TENM4: variants seen among roughly 807,000 people sequenced by gnomAD.
TENM4 encodes teneurin transmembrane protein 4.
Under a neutral mutation model 243.3 loss-of-function variants are expected in TENM4, and 82 were observed. That is an observed-to-expected ratio of 0.34 (90% CI 0.28 to 0.40). The LOEUF is 0.40. Ranked by LOEUF, TENM4 falls within the 10% of genes least tolerant of loss-of-function variation. TENM4 has a pLI of 1.00. For missense variants in TENM4, 3,138 were observed against 3,673.3 expected, an observed-to-expected ratio of 0.85 and a Z score of 3.77; for synonymous variants, 1,412 against 1,456.3, an observed-to-expected ratio of 0.97 and a Z score of 0.69.
At chr11:79,011,644 G>A (rs752200982) in intron 6 of TENM4, among the ~76,000 whole-genome samples, 4 of 152,172 alleles carry the variant, frequency 2.6e-5, no homozygotes, top group African/African-American at 9.7e-5. Context: ...CTGCACCCCC[G>A]CTGGCTTGGC....
chr11:79,259,672 TCC>T (rs1316710399), intron 2 of TENM4, among the ~76,000 whole-genome samples: 1 of 150,568 alleles, frequency 6.6e-6, no homozygotes, highest in Non-Finnish European at 1.5e-5. Flanking sequence ...CATCCATCCA[TCC>T]ATCCATCCAT....
At chr11:79,044,706 ATGT>A (rs1859617814) in intron 6 of TENM4, among the ~76,000 whole-genome samples, 1 of 152,178 alleles carries the variant, frequency 6.6e-6, no homozygotes, top group Non-Finnish European at 1.5e-5. Context: ...TAGGTTTCCC[ATGT>A]ATAAAGTAGG....
rs572219921 is a variant in TENM4 at position 79,149,361 on chromosome 11, C to G, written c.-162-555G>C. ...ACCCATTCATTAATTTTCAGCTCTTCTTTTTTAATATAAGCATTTAAGGTG... is the reference window on the plus strand; with the variant it reads ...ACCCATTCATTAATTTTCAGCTCTTGTTTTTTAATATAAGCATTTAAGGTG... On this transcript the variant is annotated intron_variant, in intron 3 of 33. Transcript: ENST00000278550. 1.6e-4 allele frequency among the ~76,000 whole-genome samples: 25 copies of G among 152,212 alleles called. 1 individual carries two copies. In the South Asian group the frequency reaches 5.2e-3, roughly 32 times the overall value.
chr11:78,988,320 T>G (rs1229428228), intron 6 of TENM4, among the ~76,000 whole-genome samples: 2 of 152,208 alleles, frequency 1.3e-5, no homozygotes, highest in African/African-American at 4.8e-5. Context: ...CCTGGTCAGG[T>G]CTTCAGATGG....
chr11:78,877,464 C>G (rs73500610), intron 9 of TENM4, among the ~76,000 whole-genome samples: 2,574 of 152,328 alleles, frequency 0.017, 88 homozygotes, highest in African/African-American at 0.059. Context: ...TATGTTATTT[C>G]ACAGTAATTA....
At chr11:79,376,938 T>C (rs973106694) in intron 1 of TENM4, among the ~76,000 whole-genome samples, 2 of 152,242 alleles carry the variant, frequency 1.3e-5, no homozygotes, top group Admixed American at 1.3e-4. Context: ...GGACATGTTA[T>C]CCTATTTGGT....
chr11:79,138,310 TTTATATATATATATATATA>T (rs1850672806), intron 4 of TENM4, among the ~76,000 whole-genome samples: 1 of 106,120 alleles, frequency 9.4e-6, no homozygotes, highest in Non-Finnish European at 1.8e-5. Flanking sequence ...TAAACTCCCC[TTTATATATATATATATATA>T]TTATATATAT....
chr11:79,037,791 T>C (rs1859424638), intron 6 of TENM4, among the ~76,000 whole-genome samples: 1 of 152,224 alleles, frequency 6.6e-6, no homozygotes, highest in Non-Finnish European at 1.5e-5. Context: ...TAGCTAAGAA[T>C]GTAACGGTCA....
intron 1 of TENM4, among the ~76,000 whole-genome samples, chr11:79,337,317 G>C (rs1857163567): frequency 6.6e-6 from 1 of 152,316 alleles, no homozygotes; most frequent in East Asian, 1.9e-4. Flanking sequence ...TTTCTTGTAA[G>C]AGAAACTGTT....
intron 18 of TENM4, among the ~76,000 whole-genome samples, chr11:78,766,728 A>G (rs1856546908): frequency 6.9e-6 from 1 of 144,318 alleles, no homozygotes; most frequent in South Asian, 2.2e-4. Context: ...TTTTTGACAG[A>G]GTCCTCCTCT....
intron 6 of TENM4, among the ~76,000 whole-genome samples, chr11:78,957,320 A>G (rs1857226801): frequency 6.6e-6 from 1 of 152,176 alleles, no homozygotes; most frequent in Non-Finnish European, 1.5e-5. Flanking sequence ...AACAACAACA[A>G]CAACAAAATC....
rs1416933792 is a variant in TENM4 at position 78,658,470 on chromosome 11, C to G, written c.7898G>C (p.Gly2633Ala). 6.2e-7 allele frequency: 1 copy of G among 1,614,052 alleles called. No homozygotes were observed. Among genetic ancestry groups the G allele is most frequent in the Non-Finnish European group, 8.5e-7 (1 of 1,179,906 alleles). The change falls in exon 34 of 34, where the codon GGC (glycine) becomes GCC (alanine). Residue 2633 changes from glycine (G) to alanine (A), a missense_variant. Physicochemically the swap from Gly to Ala is moderately conservative, Grantham distance 60 (BLOSUM62 0). Transcript: ENST00000278550. The stretch of plus-strand genomic sequence containing the variant: ...CAGGGTTCGCCGCCCCCCACTGAGG[C>G]CCAGGATGGCCAGGTCACCTTCTGA... ...GPSEGDLAIL[G>A]LSGGRRTLEN...
At chr11:79,373,812 C>T (rs943610020) in intron 1 of TENM4, among the ~76,000 whole-genome samples, 21 of 152,022 alleles carry the variant, frequency 1.4e-4, no homozygotes, top group Admixed American at 3.3e-4. Context: ...GCCTGACTCA[C>T]CATAGAGTCA....
intron 1 of TENM4, among the ~76,000 whole-genome samples, chr11:79,367,033 G>A (rs1477191228): frequency 6.6e-6 from 1 of 152,142 alleles, no homozygotes; most frequent in African/African-American, 2.4e-5. Flanking sequence ...GCAAAAATGT[G>A]CTACAAAAGA....
intron 6 of TENM4, among the ~76,000 whole-genome samples, chr11:78,942,941 T>A (rs950225399): frequency 6.6e-6 from 1 of 152,084 alleles, no homozygotes; most frequent in African/African-American, 2.4e-5. Context: ...TCCACGGTAC[T>A]GTGTCTTTCC....
chr11:78,938,404 A>T (rs893261893), intron 6 of TENM4, among the ~76,000 whole-genome samples: 1 of 152,128 alleles, frequency 6.6e-6, no homozygotes, highest in African/African-American at 2.4e-5. Flanking sequence ...TACCACTCAG[A>T]GCATCTATCT....
intron 1 of TENM4, among the ~76,000 whole-genome samples, chr11:79,387,722 A>T (rs965750242): frequency 2.0e-5 from 3 of 152,194 alleles, no homozygotes; most frequent in Non-Finnish European, 4.4e-5. Flanking sequence ...ATAAACAAAC[A>T]GGCTGGGTGT....
intron 6 of TENM4, among the ~76,000 whole-genome samples, chr11:79,020,236 C>A (rs1030601386): frequency 6.6e-6 from 1 of 152,158 alleles, no homozygotes. Context: ...CTGGGACCAG[C>A]CTTAGCCATC....
chr11:79,178,789 A>T (rs1380616235), intron 3 of TENM4, among the ~76,000 whole-genome samples: 2 of 152,228 alleles, frequency 1.3e-5, no homozygotes, highest in Non-Finnish European at 1.5e-5. Context: ...TCTGGCACAC[A>T]GTAGGCAATA....
Sources: allele counts gnomAD v4.1 joint callset (sites outside exome capture counted in the v4.1 genomes callset), GRCh38; gene constraint gnomAD v4.1.1; transcripts MANE v1.5; gene names NCBI Gene and HGNC (gene_info 2026-07-23, HGNC 2026-07-21).